The following ULK4 variants were observed in gnomAD, a reference collection of about 807,000 sequenced individuals.
ULK4 encodes unc-51 like kinase 4.
In ULK4, 133 loss-of-function variants were observed where a neutral mutation model predicts 160.6. The observed-to-expected ratio is 0.83, with a 90% confidence interval of 0.72 to 0.96. ULK4 has a LOEUF of 0.96. ULK4 is among the 40% of genes least tolerant of loss of function. ULK4 has a pLI of 0.00. For synonymous variants in ULK4, 534 were observed against 539.8 expected (o/e 0.99, Z 0.15); for missense variants, 1,580 against 1,499.5 (o/e 1.05, Z -0.89).
At chr3:41,926,973 A>G (rs919867024) in intron 5 of ULK4, among the ~76,000 whole-genome samples, 5 of 152,226 alleles carry the variant, frequency 3.3e-5, no homozygotes, top group African/African-American at 1.2e-4. Flanking sequence ...ACAGGCCAAC[A>G]TTCAAATTCA....
chr3:41,890,458 T>A (rs562419254), intron 16 of ULK4, among the ~76,000 whole-genome samples: 55 of 152,004 alleles, frequency 3.6e-4, no homozygotes, highest in African/African-American at 1.3e-3. Flanking sequence ...GGCAGGTGGA[T>A]CACTTGAGGT....
chr3:41,717,931 G>T, intron 22 of ULK4, 70 bp from the exon 23 acceptor site: 1 of 1,533,302 alleles, frequency 6.5e-7, no homozygotes, highest in African/African-American at 1.4e-5. Context: ...CAAAAATGCC[G>T]CCAAGGCAAG....
chr3:41,389,214 T>C (rs1251321102), intron 35 of ULK4, among the ~76,000 whole-genome samples: 1 of 152,172 alleles, frequency 6.6e-6, no homozygotes, highest in African/African-American at 2.4e-5. Context: ...TTTTTGTACA[T>C]TGATTTTGTA....
At chr3:41,645,795 C>T (rs1487359758) in intron 30 of ULK4, among the ~76,000 whole-genome samples, 2 of 152,108 alleles carry the variant, frequency 1.3e-5, no homozygotes, top group African/African-American at 2.4e-5. Context: ...AGTAGGGTGT[C>T]AAAGTCTCCC....
chr3:41,376,251 G>A (rs969017714), intron 35 of ULK4, among the ~76,000 whole-genome samples: 1 of 150,202 alleles, frequency 6.7e-6, no homozygotes, highest in Admixed American at 6.6e-5. Context: ...AATACCATTT[G>A]ACCCAGCAAT....
intron 34 of ULK4, among the ~76,000 whole-genome samples, chr3:41,441,411 G>A (rs2083165276): frequency 6.6e-6 from 1 of 151,900 alleles, no homozygotes; most frequent in African/African-American, 2.4e-5. Flanking sequence ...GACTCTTTAG[G>A]AGTGTGTTAG....
chr3:41,869,748 G>C (rs1350504751), intron 17 of ULK4, among the ~76,000 whole-genome samples: 1 of 151,946 alleles, frequency 6.6e-6, no homozygotes, highest in African/African-American at 2.4e-5. Context: ...CATTTTTCTG[G>C]CCTTAATAGA....
chr3:41,706,900 TAG>T (rs1553637616), intron 25 of ULK4, among the ~76,000 whole-genome samples: 35 of 136,438 alleles, frequency 2.6e-4, no homozygotes, highest in Admixed American at 7.5e-4. Flanking sequence ...TATATATATA[TAG>T]AGAGAGAGAG....
At chr3:41,491,730 T>G (rs1466595437) in intron 32 of ULK4, among the ~76,000 whole-genome samples, 1 of 152,118 alleles carries the variant, frequency 6.6e-6, no homozygotes, top group Non-Finnish European at 1.5e-5. Flanking sequence ...TTATTTTTAT[T>G]TCTTTTAATT....
intron 33 of ULK4, among the ~76,000 whole-genome samples, chr3:41,457,050 T>C (rs2083570598): frequency 6.6e-6 from 1 of 152,194 alleles, no homozygotes; most frequent in South Asian, 2.1e-4. Context: ...AGGAAACAAA[T>C]GTGCGGCACT....
At chr3:41,386,871 TG>T (rs1025756553) in intron 35 of ULK4, among the ~76,000 whole-genome samples, 2 of 152,148 alleles carry the variant, frequency 1.3e-5, no homozygotes, top group African/African-American at 4.8e-5. Flanking sequence ...CATGTGATCT[TG>T]TCGATACCTA....
chr3:41,286,848 G>A (rs2079469234), intron 35 of ULK4, among the ~76,000 whole-genome samples: 1 of 152,160 alleles, frequency 6.6e-6, no homozygotes, highest in Non-Finnish European at 1.5e-5. Flanking sequence ...CTTCAGCCTG[G>A]GAGAGACAGT....
At chr3:41,322,240 C>T (rs188829332) in intron 35 of ULK4, among the ~76,000 whole-genome samples, 1 of 146,950 alleles carries the variant, frequency 6.8e-6, no homozygotes, top group Non-Finnish European at 1.5e-5. Flanking sequence ...CCCTGTTGGC[C>T]AGGCTGGTCT....
At chr3:41,779,142 AAAAC>A (rs1378750124) in intron 21 of ULK4, among the ~76,000 whole-genome samples, 1 of 35,914 alleles carries the variant, frequency 2.8e-5, no homozygotes, top group East Asian at 6.1e-4. Context: ...TTACAAGAAA[AAAAC>A]AAACAACCCC....
intron 31 of ULK4, among the ~76,000 whole-genome samples, chr3:41,575,067 G>A (rs1424072536): frequency 6.6e-6 from 1 of 152,214 alleles, no homozygotes; most frequent in Non-Finnish European, 1.5e-5. Flanking sequence ...TGTTACTCCA[G>A]TGCTTTCAAT....
At chr3:41,734,768 G>C (rs1417949311) in intron 22 of ULK4, among the ~76,000 whole-genome samples, 1 of 152,150 alleles carries the variant, frequency 6.6e-6, no homozygotes, top group Non-Finnish European at 1.5e-5. Flanking sequence ...AGTCCCACTG[G>C]AAAGTCACAT....
At chr3:41,758,461 T>C (rs905892112) in intron 21 of ULK4, among the ~76,000 whole-genome samples, 1 of 152,202 alleles carries the variant, frequency 6.6e-6, no homozygotes, top group Non-Finnish European at 1.5e-5. Context: ...ATAGACAGTA[T>C]ACCTTAGGAA....
At chr3:41,511,725 G>A (rs1195986129) in intron 32 of ULK4, among the ~76,000 whole-genome samples, 1 of 152,050 alleles carries the variant, frequency 6.6e-6, no homozygotes, top group Non-Finnish European at 1.5e-5. Context: ...GAGAAGAACT[G>A]GTACCAACCC....
At chr3:41,270,745 AG>A (rs975562603) in intron 35 of ULK4, among the ~76,000 whole-genome samples, 5 of 152,224 alleles carry the variant, frequency 3.3e-5, no homozygotes, top group Non-Finnish European at 7.3e-5. Flanking sequence ...CGTGGCAGAA[AG>A]GTTAAGTTTC....
Sources: allele counts gnomAD v4.1 joint callset (sites outside exome capture counted in the v4.1 genomes callset), GRCh38; gene constraint gnomAD v4.1.1; transcripts MANE v1.5; gene names NCBI Gene and HGNC (gene_info 2026-07-23, HGNC 2026-07-21).